The following ZFPM2 variants were observed in gnomAD, a reference collection of about 807,000 sequenced individuals.
ZFPM2 encodes the protein zinc finger protein ZFPM2.
ZFPM2 carries 20 observed loss-of-function variants against 98.6 expected under a neutral mutation model. The ratio of observed to expected loss-of-function variants is 0.20; its 90% CI spans 0.14 to 0.29. The LOEUF (loss-of-function observed/expected upper bound fraction) is 0.29. Among genes scored for constraint, ZFPM2 ranks in the 10% least tolerant of loss-of-function variants. The pLI is 1.00. For missense variants in ZFPM2, 1,310 were observed against 1,388.6 expected (o/e 0.94, Z 0.90); for synonymous variants, 518 against 502.7 (o/e 1.03, Z -0.41).
chr8:105,418,505 C>T (rs1809199256), intron 1 of ZFPM2: 6 of 512,134 alleles, frequency 1.2e-5, no homozygotes, highest in Admixed American at 1.0e-4. Flanking sequence ...AAAAGTATCA[C>T]ATAAATACAA....
At position 105,572,034 on chromosome 8, in the gene ZFPM2, T is replaced by TTC. The variant is rs1815366422; in HGVS notation, c.420+10554_420+10555insCT. ...GGGCAAGTATTCTTGGGTAAATTTCTTTTTTTTTTTTTTTTTTTTTTGAGA... is the reference window on the plus strand; with the variant it reads ...GGGCAAGTATTCTTGGGTAAATTTCTTCTTTTTTTTTTTTTTTTTTTTTGAGA... On this transcript the variant is annotated intron_variant, in intron 4 of 7. Transcript: ENST00000407775. Among the ~76,000 whole-genome samples, 6 of 44,250 alleles carry TTC rather than the reference T, an allele frequency of 1.4e-4. No individual in the cohort carries two copies. In the South Asian group the frequency reaches 4.4e-3, roughly 32 times the overall value. 29.0% of individuals were successfully genotyped at this position (44,250 alleles called of 152,430 possible). A position where few individuals can be genotyped will look rare whatever the true frequency, so the allele number is the denominator to read the frequency against.
In ZFPM2 at chr8:105,665,247, AC is replaced by A. The variant is rs1472381246; in HGVS notation, c.532+30893del. On this transcript the variant is annotated intron_variant, in intron 5 of 7. Transcript: ENST00000407775. Reference sequence around the variant, plus strand: ...TCCTTCATGAGGGTGGTGCCTCATGACCCAAACACCTTTCACTAGGGCCCAC... The same window carrying A: ...TCCTTCATGAGGGTGGTGCCTCATGACCAAACACCTTTCACTAGGGCCCAC... Among the ~76,000 whole-genome samples the A allele has an allele frequency of 2.6e-5, 4 of 152,094 alleles. No homozygotes were observed. In the East Asian group the frequency reaches 7.7e-4, roughly 29 times the overall value.
chr8:105,437,696 A>G (rs1420172068), intron 2 of ZFPM2, among the ~76,000 whole-genome samples: 1 of 152,168 alleles, frequency 6.6e-6, no homozygotes, highest in African/African-American at 2.4e-5. Flanking sequence ...CTTAATTACC[A>G]TAATCTTTTC....
chr8:105,551,217 GT>G (rs1172572441), intron 3 of ZFPM2, among the ~76,000 whole-genome samples: 1 of 152,164 alleles, frequency 6.6e-6, no homozygotes, highest in Non-Finnish European at 1.5e-5. Context: ...GCGTGGCACA[GT>G]TAACACTTTA....
chr8:105,607,043 C>T (rs1309779245), intron 4 of ZFPM2, among the ~76,000 whole-genome samples: 1 of 152,124 alleles, frequency 6.6e-6, no homozygotes, highest in Non-Finnish European at 1.5e-5. Flanking sequence ...TAATAAAGCT[C>T]ACACAGATTT....
At chr8:105,687,155 A>G (rs1395953192) in intron 5 of ZFPM2, among the ~76,000 whole-genome samples, 1 of 152,164 alleles carries the variant, frequency 6.6e-6, no homozygotes, top group African/African-American at 2.4e-5. Flanking sequence ...TGGAAGCCAC[A>G]TATTGAAAGC....
chr8:105,773,203 T>TA (rs1586253004), intron 5 of ZFPM2, among the ~76,000 whole-genome samples: 1 of 152,174 alleles, frequency 6.6e-6, no homozygotes, highest in African/African-American at 2.4e-5. Flanking sequence ...TGACTCTAGG[T>TA]ATATATACCA....
intron 1 of ZFPM2, among the ~76,000 whole-genome samples, chr8:105,341,920 A>G (rs1281402319): frequency 1.6e-4 from 24 of 152,046 alleles, no homozygotes; most frequent in Non-Finnish European, 4.4e-5. Flanking sequence ...ATTTATTCAC[A>G]GGTTGTTCAT....
At chr8:105,670,456 A>G (rs899428311) in intron 5 of ZFPM2, among the ~76,000 whole-genome samples, 6 of 139,582 alleles carry the variant, frequency 4.3e-5, no homozygotes, top group African/African-American at 1.6e-4. Context: ...AGATCGTGCC[A>G]CTGCACTCCA....
chr8:105,491,700 C>A lies in ZFPM2; in HGVS notation c.301+47319C>A, dbSNP rs146655474. On this transcript the variant is annotated intron_variant, in intron 3 of 7. Transcript: ENST00000407775. Reference sequence around the variant, plus strand: ...TTCATATGTGGAATTGGGCCACTTACATCCAAATAATTTTTGAAGATTTTC... The same window carrying A: ...TTCATATGTGGAATTGGGCCACTTAAATCCAAATAATTTTTGAAGATTTTC... Among the ~76,000 whole-genome samples, 6 of 152,286 alleles carry A rather than the reference C, an allele frequency of 3.9e-5. No individual in the cohort carries two copies. In the East Asian group the frequency reaches 1.2e-3, roughly 29 times the overall value.
chr8:105,560,759 T>C (rs1159287236), intron 3 of ZFPM2, among the ~76,000 whole-genome samples: 1 of 152,150 alleles, frequency 6.6e-6, no homozygotes, highest in Non-Finnish European at 1.5e-5. Flanking sequence ...GAAGAAGACC[T>C]TCCAAAGCTG....
intron 3 of ZFPM2, among the ~76,000 whole-genome samples, chr8:105,523,216 G>T (rs1037356450): frequency 2.0e-5 from 3 of 152,014 alleles, no homozygotes; most frequent in African/African-American, 7.2e-5. Flanking sequence ...TGGAAGAGGG[G>T]TATTCAGTTA....
At chr8:105,470,261 A>G (rs966702977) in intron 3 of ZFPM2, among the ~76,000 whole-genome samples, 2 of 152,164 alleles carry the variant, frequency 1.3e-5, no homozygotes, top group African/African-American at 2.4e-5. Context: ...AGGAGCCGGG[A>G]CACCGAACTT....
intron 3 of ZFPM2, among the ~76,000 whole-genome samples, chr8:105,551,668 A>T (rs1814856194): frequency 1.1e-5 from 1 of 90,834 alleles, no homozygotes; most frequent in South Asian, 3.9e-4. Context: ...CTTTGGTTTT[A>T]TAATTTTGTG....
At chr8:105,604,920 T>G (rs1816167557) in intron 4 of ZFPM2, among the ~76,000 whole-genome samples, 1 of 152,112 alleles carries the variant, frequency 6.6e-6, no homozygotes, top group African/African-American at 2.4e-5. Flanking sequence ...TGTTTTGCTA[T>G]TTCACCAACA....
In ZFPM2 at chr8:105,801,093, C is replaced by T; in HGVS notation, c.1011C>T (p.Cys337=). The T allele has an allele frequency of 6.2e-7, 1 of 1,613,880 alleles. No homozygotes were observed. The highest frequency in any genetic ancestry group is 1.3e-5 in the African/African-American group (1 of 75,030). Reference sequence around the variant, plus strand: ...TGCCCCCTGGTGCTAGTCTAAAATGCACCGTCTGTAGCTACACTGCTGATT... The same window carrying T: ...TGCCCCCTGGTGCTAGTCTAAAATGTACCGTCTGTAGCTACACTGCTGATT... ...EFLPPGASLK[C]TVCSYTADSV... Residue 337 remains cysteine (C), a synonymous_variant, in exon 8 of 8, where the codon TGC becomes TGT. Coordinates refer to ENST00000407775, the MANE Select transcript of ZFPM2 (RefSeq NM_012082.4).
intron 4 of ZFPM2, among the ~76,000 whole-genome samples, chr8:105,592,189 C>G (rs992964387): frequency 2.6e-5 from 4 of 152,018 alleles, no homozygotes; most frequent in African/African-American, 9.7e-5. Context: ...GGTCAGGAGG[C>G]TGCTTTACTC....
chr8:105,511,746 C>T (rs1398119938), intron 3 of ZFPM2, among the ~76,000 whole-genome samples: 1 of 152,176 alleles, frequency 6.6e-6, no homozygotes, highest in East Asian at 1.9e-4. Context: ...CAACATTATA[C>T]CCTGAACTCT....
At chr8:105,421,490 T>C (rs1174948382) in intron 2 of ZFPM2, among the ~76,000 whole-genome samples, 1 of 152,164 alleles carries the variant, frequency 6.6e-6, no homozygotes, top group East Asian at 1.9e-4. Context: ...TATTTTACTC[T>C]TGCAGAATGT....
Sources: gnomAD v4.1 joint callset for allele counts (sites outside exome capture counted in the v4.1 genomes callset) on GRCh38, gnomAD v4.1.1 for gene constraint, MANE v1.5 for transcripts, NCBI Gene and HGNC (gene_info 2026-07-23, HGNC 2026-07-21) for gene names.